The following PAPPA2 variants were observed in gnomAD, a reference collection of about 807,000 sequenced individuals.
PAPPA2 encodes pappalysin 2, also known as pappalysin-2.
In PAPPA2, 86 loss-of-function variants were observed where a neutral mutation model predicts 176.4. The ratio of observed to expected loss-of-function variants is 0.49; its 90% confidence interval spans 0.41 to 0.58. The LOEUF (loss-of-function observed/expected upper bound fraction) is 0.58, where lower values mean the gene tolerates loss of function less well. Ranked by LOEUF, PAPPA2 falls within the 20% of genes least tolerant of loss-of-function variation. The pLI is 0.00. For missense variants in PAPPA2, 2,073 were observed against 2,256.9 expected (o/e 0.92, Z 1.65); for synonymous variants, 809 against 852.2 (o/e 0.95, Z 0.88).
chr1:176,505,895 A>AC (rs1648233705), intron 1 of PAPPA2, among the ~76,000 whole-genome samples: 1 of 152,092 alleles, frequency 6.6e-6, no homozygotes, highest in African/African-American at 2.4e-5. Flanking sequence ...ATCTTACAAG[A>AC]CCAGTAAAAA....
At chr1:176,827,848 A>T (rs17378397) in intron 21 of PAPPA2, among the ~76,000 whole-genome samples, 10,132 of 152,178 alleles carry the variant, frequency 0.067, 392 homozygotes, top group Non-Finnish European at 0.086. Flanking sequence ...TACTGTATAG[A>T]GTAATTTTGG....
chr1:176,514,651 G>T (rs916649205), intron 1 of PAPPA2, among the ~76,000 whole-genome samples: 1 of 152,164 alleles, frequency 6.6e-6, no homozygotes. Flanking sequence ...ATAACATTTT[G>T]ACAAATTATA....
intron 14 of PAPPA2, among the ~76,000 whole-genome samples, chr1:176,759,060 A>G (rs1663571060): frequency 6.6e-6 from 1 of 152,252 alleles, no homozygotes; most frequent in Non-Finnish European, 1.5e-5. Context: ...TACTTTCTTC[A>G]TCACATTGTA....
At position 176,648,863 on chromosome 1, in the gene PAPPA2, A is replaced by G. The variant is rs534302526; in HGVS notation, c.1992-22107A>G. 2.0e-5 allele frequency among the ~76,000 whole-genome samples: 3 copies of G among 151,624 alleles called. No individual in the cohort carries two copies. In the South Asian group the frequency reaches 6.2e-4, roughly 31 times the overall value. On this transcript the variant is annotated intron_variant, in intron 3 of 22. Transcript: ENST00000367662. ...TATTTTGCTGAGGATTTTTTAATCT[A>G]TGTTCGTTAGGGATATTGGCCTGTA...
chr1:176,637,392 T>G (rs895710690), intron 3 of PAPPA2, among the ~76,000 whole-genome samples: 9 of 152,152 alleles, frequency 5.9e-5, no homozygotes, highest in Non-Finnish European at 1.2e-4. Context: ...AACCTGGATA[T>G]AAACAGATGG....
chr1:176,466,508 A>G (rs1009694743), intron 1 of PAPPA2, among the ~76,000 whole-genome samples: 8 of 152,166 alleles, frequency 5.3e-5, no homozygotes, highest in African/African-American at 1.9e-4. Flanking sequence ...TGAGATGAAA[A>G]GAGATTAAGT....
At position 176,498,766 on chromosome 1, in the gene PAPPA2, A is replaced by AAAAAAAAAAAAAAAAAAAAG. The variant is rs1558403308; in HGVS notation, c.-917+35348_-917+35349insAAAAAAAAAAAAAAAAAAAG. 1.8e-4 allele frequency among the ~76,000 whole-genome samples: 28 copies of AAAAAAAAAAAAAAAAAAAAG among 151,480 alleles called. 1 individual carries two copies. The East Asian group carries it at 5.5e-3, about 30-fold the overall frequency. On this transcript the variant is annotated intron_variant, in intron 1 of 22. Transcript: ENST00000367662. ...CTCTTACCTCCAAAAAAAAAAAAAA[A>AAAAAAAAAAAAAAAAAAAAG]GAAGAAGAAATCTGAAGCTACAGGT...
intron 2 of PAPPA2, among the ~76,000 whole-genome samples, chr1:176,579,138 T>C (rs1273383414): frequency 6.6e-6 from 1 of 152,112 alleles, no homozygotes; most frequent in Non-Finnish European, 1.5e-5. Context: ...GGGAGCTTTC[T>C]AGTAAAGAAA....
chr1:176,838,835 G>A (rs933938850), intron 21 of PAPPA2, among the ~76,000 whole-genome samples: 3 of 152,208 alleles, frequency 2.0e-5, no homozygotes, highest in Admixed American at 2.0e-4. Context: ...CACCCCACAA[G>A]TAGCAGCTTC....
chr1:176,814,969 G>C (rs1047413863), intron 21 of PAPPA2, among the ~76,000 whole-genome samples: 1 of 152,150 alleles, frequency 6.6e-6, no homozygotes, highest in African/African-American at 2.4e-5. Flanking sequence ...TCAATACCTA[G>C]TTTATGGAGA....
At chr1:176,616,737 C>T (rs1655284429) in intron 3 of PAPPA2, 1 of 1,345,212 alleles carries the variant, frequency 7.4e-7, no homozygotes, top group East Asian at 2.5e-5. Flanking sequence ...AATAGGAAAT[C>T]TCATGTTCTT....
chr1:176,672,607 C>T (rs1659075715), intron 4 of PAPPA2, among the ~76,000 whole-genome samples: 1 of 151,866 alleles, frequency 6.6e-6, no homozygotes, highest in Non-Finnish European at 1.5e-5. Flanking sequence ...CTGTTCAATG[C>T]TGTTCAAGTG....
chr1:176,501,194 G>A (rs1378780273), intron 1 of PAPPA2, among the ~76,000 whole-genome samples: 1 of 151,762 alleles, frequency 6.6e-6, no homozygotes, highest in Non-Finnish European at 1.5e-5. Context: ...CAGCATGAAA[G>A]CAAATTCCCA....
chr1:176,554,998 T>TGA (rs1398131598), intron 1 of PAPPA2, among the ~76,000 whole-genome samples: 4 of 103,828 alleles, frequency 3.9e-5, no homozygotes, highest in Admixed American at 1.2e-4. Flanking sequence ...TGTGTGTGTG[T>TGA]GTGAGAGAGA....
In PAPPA2 at chr1:176,538,745, C is replaced by T. The variant is rs112775533; in HGVS notation, c.-916-16662C>T. On this transcript the variant is annotated intron_variant, in intron 1 of 22. Transcript: ENST00000367662. ...CTTTAAAAGTTTCTTTGCCTCATCA[C>T]TAGACAATATCCCACAAATTCAAGC... is the stretch of plus-strand genomic sequence containing the variant. Among the ~76,000 whole-genome samples, 470 of 152,286 alleles carry T rather than the reference C, an allele frequency of 3.1e-3. 2 individuals are homozygous for T. The highest frequency in any genetic ancestry group is 0.01 in the African/African-American group (423 of 41,566).
At chr1:176,480,194 C>T (rs1266331206) in intron 1 of PAPPA2, among the ~76,000 whole-genome samples, 1 of 152,204 alleles carries the variant, frequency 6.6e-6, no homozygotes, top group African/African-American at 2.4e-5. Flanking sequence ...AACTGGGCCT[C>T]CTCCGTGCCC....
chr1:176,671,174 T>C, intron 4 of PAPPA2, 59 bp downstream of exon 4: 1 of 1,593,114 alleles, frequency 6.3e-7, no homozygotes, highest in East Asian at 2.2e-5. Context: ...GAAGGAAGCT[T>C]GCGAAAGTAA....
At chr1:176,504,031 A>C (rs944609792) in intron 1 of PAPPA2, among the ~76,000 whole-genome samples, 2 of 152,098 alleles carry the variant, frequency 1.3e-5, no homozygotes, top group African/African-American at 4.8e-5. Flanking sequence ...CATTAGGTTA[A>C]TCTCTGGAAA....
intron 1 of PAPPA2, among the ~76,000 whole-genome samples, chr1:176,507,409 C>T (rs1314831999): frequency 1.3e-5 from 2 of 152,096 alleles, no homozygotes; most frequent in Non-Finnish European, 2.9e-5. Context: ...ACAGAACTAC[C>T]ATTTGACCCA....
Sources: gnomAD v4.1 joint callset for allele counts (sites outside exome capture counted in the v4.1 genomes callset) on GRCh38, gnomAD v4.1.1 for gene constraint, MANE v1.5 for transcripts, NCBI Gene and HGNC (gene_info 2026-07-23, HGNC 2026-07-21) for gene names.